The following ASTN2 variants were observed in gnomAD, a reference collection of about 807,000 sequenced individuals.
ASTN2 encodes the protein astrotactin 2.
Under a neutral mutation model 139.8 loss-of-function variants are expected in ASTN2, and 54 were observed. The observed-to-expected ratio is 0.39, with a 90% CI of 0.31 to 0.48. The LOEUF (loss-of-function observed/expected upper bound fraction) is 0.48. Among genes scored for constraint, ASTN2 ranks in the 20% least tolerant of loss-of-function variants. ASTN2 has a pLI of 0.95. For synonymous variants in ASTN2, 756 were observed against 719.5 expected, an observed-to-expected ratio of 1.05 and a Z score of -0.81; for missense variants, 1,565 against 1,725.1, an observed-to-expected ratio of 0.91 and a Z score of 1.64.
intron 16 of ASTN2, chr9:116,697,439 T>C: frequency 2.6e-6 from 1 of 378,786 alleles, no homozygotes; most frequent in Non-Finnish European, 5.0e-6. Flanking sequence ...GCTAAGTAAG[T>C]GTCTGAGACT....
intron 3 of ASTN2, among the ~76,000 whole-genome samples, chr9:117,161,671 G>A (rs1367863277): frequency 4.6e-5 from 7 of 152,018 alleles, no homozygotes; most frequent in Non-Finnish European, 8.8e-5. Context: ...TGGGATTACA[G>A]GCATGAACCC....
chr9:117,303,755 A>G (rs1050613010), intron 1 of ASTN2, among the ~76,000 whole-genome samples: 1 of 152,144 alleles, frequency 6.6e-6, no homozygotes, highest in African/African-American at 2.4e-5. Flanking sequence ...TTACATCTAA[A>G]CCAGTGTCAT....
chr9:117,241,681 G>T (rs1406561097), intron 2 of ASTN2, among the ~76,000 whole-genome samples: 1 of 152,126 alleles, frequency 6.6e-6, no homozygotes, highest in Non-Finnish European at 1.5e-5. Flanking sequence ...CCCACCAGTG[G>T]CTCAAATCAT....
intron 19 of ASTN2, among the ~76,000 whole-genome samples, chr9:116,522,036 G>A (rs1850898403): frequency 6.6e-6 from 1 of 152,126 alleles, no homozygotes; most frequent in Non-Finnish European, 1.5e-5. Context: ...TGGATGCAGT[G>A]AAAATGAAAC....
intron 2 of ASTN2, among the ~76,000 whole-genome samples, chr9:117,246,337 T>G (rs1334773935): frequency 6.6e-6 from 1 of 152,190 alleles, no homozygotes; most frequent in African/African-American, 2.4e-5. Flanking sequence ...AGTGTTTTCA[T>G]TAGGGGAGAA....
intron 16 of ASTN2, among the ~76,000 whole-genome samples, chr9:116,666,991 TG>T (rs1011608001): frequency 4.2e-5 from 6 of 143,478 alleles, no homozygotes; most frequent in African/African-American, 7.7e-5. Context: ...AGTCTTGCTC[TG>T]TCACCCAGGC....
intron 3 of ASTN2, among the ~76,000 whole-genome samples, chr9:117,170,670 G>A (rs1218982357): frequency 6.6e-6 from 1 of 152,128 alleles, no homozygotes; most frequent in Admixed American, 6.5e-5. Flanking sequence ...GACTGAAGAG[G>A]TCACAAGCAG....
chr9:116,543,328 T>C lies in ASTN2; in HGVS notation c.3356-55828A>G, dbSNP rs1422215274. On this transcript the variant is annotated intron_variant, in intron 19 of 22. Coordinates refer to ENST00000313400, the MANE Select transcript of ASTN2 (RefSeq NM_001365068.1). ...GGCGTGTGACTGCCGTCCCAGCTAT[T>C]CTGAAGGCTGAGGTGGGAGGATCAC... 2.0e-5 allele frequency among the ~76,000 whole-genome samples: 3 copies of C among 151,560 alleles called. No homozygotes were observed. The East Asian group carries it at 5.8e-4, about 30-fold the overall frequency.
chr9:116,677,239 G>A (rs527924552), intron 16 of ASTN2, among the ~76,000 whole-genome samples: 5 of 151,926 alleles, frequency 3.3e-5, no homozygotes, highest in African/African-American at 1.2e-4. Context: ...GCATACATGA[G>A]AGGCACTAAG....
In ASTN2 at chr9:117,060,505, GA is replaced by G. The variant is rs1460569942; in HGVS notation, c.1277-20541del. Among the ~76,000 whole-genome samples the G allele has an allele frequency of 5.9e-4, 53 of 89,634 alleles. 5 individuals are homozygous for G. Among genetic ancestry groups the G allele is most frequent in the Middle Eastern group, 5.2e-3 (1 of 192 alleles). The allele number at this position is 89,634 out of a possible 152,430, so 58.8% of individuals were successfully genotyped here. On this transcript the variant is annotated intron_variant, in intron 5 of 22. Coordinates refer to ENST00000313400, the MANE Select transcript of ASTN2 (RefSeq NM_001365068.1). Reference sequence around the variant, plus strand: ...GGAAGGAATGAAAGAAAGAAAGAAAGAAAGAAAGGAAGGAAGGAAGGAAGGA... The same window carrying G: ...GGAAGGAATGAAAGAAAGAAAGAAAGAAGAAAGGAAGGAAGGAAGGAAGGA...
intron 4 of ASTN2, among the ~76,000 whole-genome samples, chr9:117,136,716 C>T (rs537619413): frequency 6.6e-6 from 1 of 152,002 alleles, no homozygotes. Flanking sequence ...GGCAGTGGCT[C>T]AGGAAGGGGA....
chr9:116,472,717 G>A (rs942645657), intron 20 of ASTN2, among the ~76,000 whole-genome samples: 1 of 150,234 alleles, frequency 6.7e-6, no homozygotes, highest in African/African-American at 2.5e-5. Flanking sequence ...CAGCCTGGCC[G>A]ACATAGCAAA....
intron 14 of ASTN2, 72 bp downstream of exon 14, chr9:116,733,327 T>C (rs1374270186): frequency 4.4e-6 from 7 of 1,575,060 alleles, no homozygotes; most frequent in Non-Finnish European, 5.2e-6. Context: ...TGCTGAAGAC[T>C]GATATGCACT....
At chr9:116,925,891 T>C (rs79731655) in intron 10 of ASTN2, among the ~76,000 whole-genome samples, 6,850 of 119,222 alleles carry the variant, frequency 0.057, 474 homozygotes, top group African/African-American at 0.17. Flanking sequence ...CACACACACA[T>C]ATATACACAT....
chr9:117,046,573 T>C (rs1838749464), intron 5 of ASTN2, among the ~76,000 whole-genome samples: 1 of 152,176 alleles, frequency 6.6e-6, no homozygotes, highest in Non-Finnish European at 1.5e-5. Flanking sequence ...TTTCTAATAC[T>C]TGGCACCTAC....
At chr9:117,238,165 G>T (rs565659543) in intron 2 of ASTN2, among the ~76,000 whole-genome samples, 37 of 152,306 alleles carry the variant, frequency 2.4e-4, no homozygotes, top group Non-Finnish European at 5.1e-4. Flanking sequence ...GAAGGGCAAA[G>T]ACCCACTTGT....
intron 1 of ASTN2, among the ~76,000 whole-genome samples, chr9:117,327,551 A>C (rs899733268): frequency 6.6e-6 from 1 of 152,122 alleles, no homozygotes; most frequent in African/African-American, 2.4e-5. Flanking sequence ...CAAGCAAGGA[A>C]GTGTGCATAT....
chr9:116,548,207 G>A (rs1277557764), intron 19 of ASTN2, among the ~76,000 whole-genome samples: 1 of 152,200 alleles, frequency 6.6e-6, no homozygotes, highest in Non-Finnish European at 1.5e-5. Flanking sequence ...TGGCAGTCAG[G>A]AGGCTGCCCT....
chr9:116,637,304 T>A (rs780470662), intron 17 of ASTN2, among the ~76,000 whole-genome samples: 7 of 152,186 alleles, frequency 4.6e-5, no homozygotes, highest in Non-Finnish European at 7.4e-5. Flanking sequence ...TCACTTAGAA[T>A]TGGAGAGAGG....
Sources: allele counts gnomAD v4.1 joint callset (sites outside exome capture counted in the v4.1 genomes callset), GRCh38; gene constraint gnomAD v4.1.1; transcripts MANE v1.5; gene names NCBI Gene and HGNC (gene_info 2026-07-23, HGNC 2026-07-21).